GDA: variants seen among roughly 807,000 people sequenced by gnomAD.
The protein encoded by GDA is cytoplasmic PSD-95 interactor.
Under a neutral mutation model 59.6 loss-of-function variants are expected in GDA, and 18 were observed. That is an observed-to-expected ratio of 0.30 (90% CI 0.21 to 0.45). The LOEUF is 0.45. Among genes scored for constraint, GDA ranks in the 20% least tolerant of loss-of-function variants. The pLI is 1.00. For missense variants in GDA, 427 were observed against 552.3 expected (o/e 0.77, Z 2.27); for synonymous variants, 201 against 201.1 (o/e 1.00, Z 0.00).
At position 72,250,058 on chromosome 9, in the gene GDA, A is replaced by G; in HGVS notation, c.*1716A>G. The G allele has an allele frequency of 3.1e-6, 3 of 974,642 alleles. No individual in the cohort carries two copies. The highest frequency in any genetic ancestry group is 3.7e-6 in the Non-Finnish European group (3 of 820,154). The allele number at this position is 974,642 out of a possible 1,614,324, so 60.4% of individuals were successfully genotyped here. On this transcript the variant is annotated 3_prime_UTR_variant, in exon 14 of 14. Coordinates refer to ENST00000358399, the MANE Select transcript of GDA (RefSeq NM_004293.5). Reference sequence around the variant, plus strand: ...CTTAGTAAACCCAATTTCCAGTCTTAGTCTGTATTTCCAATATTTCTAATT... The same window carrying G: ...CTTAGTAAACCCAATTTCCAGTCTTGGTCTGTATTTCCAATATTTCTAATT...
intron 1 of GDA, among the ~76,000 whole-genome samples, chr9:72,191,213 T>C (rs140609022): frequency 6.0e-4 from 92 of 152,258 alleles, no homozygotes; most frequent in African/African-American, 2.1e-3. Flanking sequence ...GAAGCCTTGG[T>C]AGGGGCACAT....
intron 2 of GDA, chr9:72,197,448 T>A (rs1449357069): frequency 6.6e-6 from 1 of 152,080 alleles, no homozygotes; most frequent in Non-Finnish European, 1.5e-5. Flanking sequence ...TGCTTGCGTG[T>A]CTTTGTGATG....
At chr9:72,136,619 C>T (rs1826232967) in intron 1 of GDA, among the ~76,000 whole-genome samples, 1 of 152,140 alleles carries the variant, frequency 6.6e-6, no homozygotes, top group African/African-American at 2.4e-5. Context: ...TTCTTGTTTG[C>T]CCCAGAAAGT....
chr9:72,247,031 A>G (rs1464908115), intron 12 of GDA, among the ~76,000 whole-genome samples: 1 of 152,192 alleles, frequency 6.6e-6, no homozygotes, highest in Non-Finnish European at 1.5e-5. Flanking sequence ...AAAACATAAC[A>G]AAACAGAACA....
chr9:72,192,880 AAACAACAAC>A (rs150999149), intron 1 of GDA, among the ~76,000 whole-genome samples: 1 of 151,406 alleles, frequency 6.6e-6, no homozygotes, highest in Non-Finnish European at 1.5e-5. Context: ...CTCCTTCTCA[AAACAACAAC>A]AACAACAACA....
At chr9:72,227,430 A>G (rs763870386) in intron 8 of GDA, among the ~76,000 whole-genome samples, 2 of 152,106 alleles carry the variant, frequency 1.3e-5, no homozygotes, top group Non-Finnish European at 2.9e-5. Flanking sequence ...TGGCACTTAC[A>G]TTGAAGCTAG....
chr9:72,124,031 G>A (rs186795325), intron 1 of GDA, among the ~76,000 whole-genome samples: 2 of 152,282 alleles, frequency 1.3e-5, no homozygotes, highest in East Asian at 3.9e-4. Context: ...ACACTTGAGA[G>A]TATTGTACCA....
At chr9:72,141,980 T>C (rs542790237) in intron 1 of GDA, among the ~76,000 whole-genome samples, 1 of 152,306 alleles carries the variant, frequency 6.6e-6, no homozygotes, top group East Asian at 1.9e-4. Context: ...AGTCCCAGGA[T>C]GCTTAGGAGG....
downstream of GDA, among the ~76,000 whole-genome samples, chr9:72,255,600 T>C (rs1314394174): frequency 1.3e-5 from 2 of 152,224 alleles, no homozygotes; most frequent in Non-Finnish European, 1.5e-5. Flanking sequence ...TCATGAACTT[T>C]CTTAGTGGAA....
At chr9:72,179,552 A>G (rs1051740361) in intron 1 of GDA, among the ~76,000 whole-genome samples, 1 of 152,230 alleles carries the variant, frequency 6.6e-6, no homozygotes, top group Admixed American at 6.5e-5. Context: ...GACTACAGGC[A>G]AGAAAAAGGG....
At chr9:72,257,429 G>C (rs1352213100), downstream of GDA, 1 of 152,172 alleles carries the variant, frequency 6.6e-6, no homozygotes, top group Non-Finnish European at 1.5e-5. Context: ...TTAGAGATAG[G>C]ATATAAACTT....
chr9:72,200,310 T>C (rs958725260), intron 2 of GDA, among the ~76,000 whole-genome samples: 56 of 152,162 alleles, frequency 3.7e-4, no homozygotes, highest in African/African-American at 1.3e-3. Context: ...CTCCTTCTTT[T>C]CTTCTGCCTC....
rs745653581 is a variant in GDA at position 72,248,549 on chromosome 9, A to G, written c.*207A>G. On this transcript the variant is annotated 3_prime_UTR_variant, in exon 14 of 14. Coordinates refer to ENST00000358399, the MANE Select transcript of GDA (RefSeq NM_004293.5). ...CTGGTTGAGAGGGTTCATAAATTTC[A>G]TGAAAATATCTCCCTTTGGAGCTGC... The G allele has an allele frequency of 3.8e-5, 52 of 1,380,740 alleles. 1 individual carries two copies. The highest frequency in any genetic ancestry group is 3.4e-5 in the Non-Finnish European group (36 of 1,068,638). 85.5% of individuals were successfully genotyped at this position (1,380,740 alleles called of 1,614,324 possible). A position where few individuals can be genotyped will look rare whatever the true frequency, so the allele number is the denominator to read the frequency against.
intron 2 of GDA, among the ~76,000 whole-genome samples, chr9:72,200,530 G>A (rs1229785179): frequency 1.3e-5 from 2 of 149,760 alleles, no homozygotes; most frequent in Non-Finnish European, 3.0e-5. Flanking sequence ...AGTCTTTGAC[G>A]ACAATATGCC....
Position 72,149,541 on chromosome 9 carries a change from G to T in GDA, c.-19G>T, listed in dbSNP as rs200372728. On this transcript the variant is annotated 5_prime_UTR_variant, in exon 1 of 14. Coordinates refer to ENST00000358399, the MANE Select transcript of GDA (RefSeq NM_004293.5). ...CGCCCTCCTCGACCAGCAGACCCGCGCTGCGCTCCGCCGCTGACATGTGTG... is the reference window on the plus strand; with the variant it reads ...CGCCCTCCTCGACCAGCAGACCCGCTCTGCGCTCCGCCGCTGACATGTGTG... 14 of 1,607,352 alleles carry T rather than the reference G, an allele frequency of 8.7e-6. No homozygotes were observed. Among genetic ancestry groups the T allele is most frequent in the Non-Finnish European group, 1.1e-5 (13 of 1,178,406 alleles).
At chr9:72,242,007 C>G (rs778584668) in intron 11 of GDA, among the ~76,000 whole-genome samples, 1 of 152,166 alleles carries the variant, frequency 6.6e-6, no homozygotes, top group Non-Finnish European at 1.5e-5. Context: ...TTAAGCTCTT[C>G]CCCTGTGATA....
chr9:72,192,878 CA>C (rs1832727433), intron 1 of GDA, among the ~76,000 whole-genome samples: 2 of 150,246 alleles, frequency 1.3e-5, no homozygotes, highest in Admixed American at 6.6e-5. Context: ...GACTCCTTCT[CA>C]AAACAACAAC....
chr9:72,247,914 T>C (rs984743261), intron 13 of GDA, among the ~76,000 whole-genome samples: 2 of 152,176 alleles, frequency 1.3e-5, no homozygotes, highest in African/African-American at 4.8e-5. Flanking sequence ...GAAAGATGCA[T>C]GTGTTACTTC....
At chr9:72,120,902 C>T (rs1365155801) in intron 1 of GDA, among the ~76,000 whole-genome samples, 1 of 152,094 alleles carries the variant, frequency 6.6e-6, no homozygotes, top group Non-Finnish European at 1.5e-5. Context: ...AACCTCAGCA[C>T]TCACCAATCC....
Sources: allele counts gnomAD v4.1 joint callset (sites outside exome capture counted in the v4.1 genomes callset), GRCh38; gene constraint gnomAD v4.1.1; transcripts MANE v1.5; gene names NCBI Gene and HGNC (gene_info 2026-07-23, HGNC 2026-07-21).